Variants in MOB3B observed in about 807,000 individuals in gnomAD.
MOB3B encodes the protein MOB kinase activator-like 2B.
A neutral mutation model predicts 18.7 loss-of-function variants in MOB3B; 7 were observed. The observed-to-expected ratio is 0.37, with a 90% CI of 0.21 to 0.70. MOB3B has a LOEUF of 0.70. Among genes scored for constraint, MOB3B ranks in the 30% least tolerant of loss-of-function variants. The pLI is 0.52. For missense variants in MOB3B, 253 were observed against 281.3 expected (o/e 0.90, Z 0.72); for synonymous variants, 111 against 99.9 (o/e 1.11, Z -0.66).
intron 2 of MOB3B, among the ~76,000 whole-genome samples, chr9:27,374,979 G>A (rs1307994824): frequency 6.6e-6 from 1 of 152,214 alleles, no homozygotes; most frequent in Admixed American, 6.5e-5. Flanking sequence ...CCTTCCTTGG[G>A]ACAGGTGTTG....
At chr9:27,423,850 T>C (rs1822290992) in intron 2 of MOB3B, among the ~76,000 whole-genome samples, 2 of 152,370 alleles carry the variant, frequency 1.3e-5, no homozygotes, top group Middle Eastern at 3.4e-3. Context: ...ATAAGACAGG[T>C]GCTAAGTGCT....
At chr9:27,407,191 G>C (rs181493419) in intron 2 of MOB3B, among the ~76,000 whole-genome samples, 35 of 152,118 alleles carry the variant, frequency 2.3e-4, no homozygotes, top group African/African-American at 8.2e-4. Flanking sequence ...AAGAGGTCTA[G>C]GAAAGACTGA....
intron 3 of MOB3B, among the ~76,000 whole-genome samples, chr9:27,343,857 T>C (rs944750600): frequency 6.6e-6 from 1 of 152,154 alleles, no homozygotes; most frequent in Non-Finnish European, 1.5e-5. Flanking sequence ...ATCCTTTTAC[T>C]TCACGTAATT....
intron 1 of MOB3B, among the ~76,000 whole-genome samples, chr9:27,515,174 G>A (rs1329843400): frequency 2.0e-5 from 3 of 152,104 alleles, no homozygotes; most frequent in African/African-American, 4.8e-5. Context: ...ACTGTGCCCC[G>A]ACTTCATCTT....
At chr9:27,466,546 A>G (rs574691581) in intron 1 of MOB3B, among the ~76,000 whole-genome samples, 21 of 152,220 alleles carry the variant, frequency 1.4e-4, no homozygotes, top group African/African-American at 4.6e-4. Context: ...CCAATTTACT[A>G]TATTTGTCCA....
At chr9:27,487,071 C>T (rs1424375657) in intron 1 of MOB3B, among the ~76,000 whole-genome samples, 1 of 151,840 alleles carries the variant, frequency 6.6e-6, no homozygotes, top group Non-Finnish European at 1.5e-5. Context: ...GTGAAGGTTG[C>T]AGTGAGCCAA....
intron 2 of MOB3B, among the ~76,000 whole-genome samples, chr9:27,388,367 A>C (rs1387926794): frequency 1.3e-5 from 2 of 152,136 alleles, no homozygotes; most frequent in African/African-American, 4.8e-5. Context: ...AAGCACCCAT[A>C]CAGCTTTCAT....
chr9:27,375,022 T>TGGGGCCACCCCAGAGTG (rs1282952805), intron 2 of MOB3B, among the ~76,000 whole-genome samples: 1 of 152,224 alleles, frequency 6.6e-6, no homozygotes, highest in East Asian at 1.9e-4. Context: ...CTGTCCACCA[T>TGGGGCCACCCCAGAGTG]GGGGCCACCC....
intron 2 of MOB3B, among the ~76,000 whole-genome samples, chr9:27,438,943 G>C (rs1315575351): frequency 6.6e-6 from 1 of 152,124 alleles, no homozygotes; most frequent in East Asian, 1.9e-4. Context: ...AAGAGACTTA[G>C]GGCCTCTGGG....
chr9:27,435,832 C>T (rs1486899303), intron 2 of MOB3B, among the ~76,000 whole-genome samples: 1 of 152,114 alleles, frequency 6.6e-6, no homozygotes, highest in African/African-American at 2.4e-5. Context: ...AACTCCTGAC[C>T]TCAAGTGATC....
intron 1 of MOB3B, among the ~76,000 whole-genome samples, chr9:27,482,613 T>C (rs1387702207): frequency 6.6e-6 from 1 of 152,134 alleles, no homozygotes; most frequent in Non-Finnish European, 1.5e-5. Flanking sequence ...CTCAGTTGCA[T>C]CTCAACCTCT....
intron 1 of MOB3B, among the ~76,000 whole-genome samples, chr9:27,522,039 G>A (rs958823310): frequency 6.6e-6 from 1 of 151,740 alleles, no homozygotes; most frequent in African/African-American, 2.4e-5. Context: ...TCAGGAGATC[G>A]AGACCGTCGT....
At chr9:27,423,707 ACT>A (rs1012636067) in intron 2 of MOB3B, among the ~76,000 whole-genome samples, 5 of 152,176 alleles carry the variant, frequency 3.3e-5, no homozygotes, top group Admixed American at 6.5e-5. Context: ...AGAATTGTCC[ACT>A]CTTTCAAATA....
chr9:27,461,645 C>A (rs10967946), intron 1 of MOB3B, among the ~76,000 whole-genome samples: 1 of 152,160 alleles, frequency 6.6e-6, no homozygotes. Context: ...CATCTTCTAG[C>A]TCTTCAATGG....
intron 1 of MOB3B, among the ~76,000 whole-genome samples, chr9:27,473,622 C>A (rs1330042953): frequency 6.6e-6 from 1 of 152,122 alleles, no homozygotes; most frequent in Non-Finnish European, 1.5e-5. Context: ...CCTTCTCCAA[C>A]CAAGAGGTCA....
At chr9:27,371,491 G>A (rs1188318478) in intron 2 of MOB3B, among the ~76,000 whole-genome samples, 2 of 152,204 alleles carry the variant, frequency 1.3e-5, no homozygotes, top group Non-Finnish European at 2.9e-5. Context: ...AAGATCCCGC[G>A]AAGGTAAGTT....
At chr9:27,480,910 CTA>C (rs1172076174) in intron 1 of MOB3B, among the ~76,000 whole-genome samples, 1 of 151,670 alleles carries the variant, frequency 6.6e-6, no homozygotes, top group East Asian at 1.9e-4. Context: ...AGCACTGACT[CTA>C]TAAAAGAATA....
At chr9:27,344,001 T>A (rs550523865) in intron 3 of MOB3B, among the ~76,000 whole-genome samples, 1 of 152,238 alleles carries the variant, frequency 6.6e-6, no homozygotes, top group African/African-American at 2.4e-5. Flanking sequence ...AATGGTTGCA[T>A]GACAATGTGA....
At chr9:27,346,863 G>A (rs1029730509) in intron 3 of MOB3B, among the ~76,000 whole-genome samples, 1 of 152,080 alleles carries the variant, frequency 6.6e-6, no homozygotes, top group African/African-American at 2.4e-5. Flanking sequence ...AGTTGTGGTG[G>A]CACGCACCTG....
Sources: gnomAD v4.1 joint callset for allele counts (sites outside exome capture counted in the v4.1 genomes callset) on GRCh38, gnomAD v4.1.1 for gene constraint, MANE v1.5 for transcripts, NCBI Gene and HGNC (gene_info 2026-07-23, HGNC 2026-07-21) for gene names.